The following AHI1 variants were observed in gnomAD, a reference collection of about 807,000 sequenced individuals.
The protein encoded by AHI1 is Abelson helper integration site 1.
In AHI1, 123 loss-of-function variants were observed where a neutral mutation model predicts 149.3. The observed-to-expected ratio is 0.82, with a 90% CI of 0.71 to 0.96. The LOEUF is 0.96. AHI1 is among the 40% of genes least tolerant of loss of function. AHI1 has a pLI of 0.00. For missense variants in AHI1, 1,439 were observed against 1,422.7 expected (o/e 1.01, Z -0.18); for synonymous variants, 475 against 459.8 (o/e 1.03, Z -0.42).
intron 4 of AHI1, among the ~76,000 whole-genome samples, chr6:135,490,988 T>C (rs1214753748): frequency 6.6e-6 from 1 of 152,208 alleles, no homozygotes; most frequent in Admixed American, 6.5e-5. Context: ...TTTGCTAAGT[T>C]AACTTTTTAT....
chr6:135,327,455 T>G (rs987728001), intron 24 of AHI1, among the ~76,000 whole-genome samples: 1 of 152,232 alleles, frequency 6.6e-6, no homozygotes. Flanking sequence ...AATACCATTG[T>G]TGACATTCAA....
intron 26 of AHI1, among the ~76,000 whole-genome samples, chr6:135,303,696 GT>G (rs1016390373): frequency 1.3e-5 from 2 of 152,112 alleles, no homozygotes; most frequent in African/African-American, 2.4e-5. Context: ...TTATACTAGT[GT>G]TTTTCAAACT....
chr6:135,490,431 A>G (rs912649388), intron 5 of AHI1, 192 bp downstream of exon 5: 63 of 696,264 alleles, frequency 9.0e-5, no homozygotes, highest in Non-Finnish European at 1.4e-4. Context: ...ACAGCACTCA[A>G]GAATGAAGTC....
intron 23 of AHI1, among the ~76,000 whole-genome samples, chr6:135,369,390 C>T (rs1448859452): frequency 2.0e-5 from 3 of 152,172 alleles, no homozygotes; most frequent in South Asian, 2.1e-4. Context: ...CTGCTCTGTC[C>T]GTCCAAGTGG....
intron 23 of AHI1, among the ~76,000 whole-genome samples, chr6:135,384,330 GACAA>G (rs1777272408): frequency 6.6e-6 from 1 of 152,156 alleles, no homozygotes; most frequent in African/African-American, 2.4e-5. Context: ...TGCACTGTAA[GACAA>G]ACAAATTTTG....
At chr6:135,309,415 G>A (rs1433626927) in intron 26 of AHI1, among the ~76,000 whole-genome samples, 1 of 151,546 alleles carries the variant, frequency 6.6e-6, no homozygotes, top group Non-Finnish European at 1.5e-5. Flanking sequence ...AAACAAATTA[G>A]GGGAAAGAAA....
chr6:135,332,701 C>A (rs756529961), intron 24 of AHI1, among the ~76,000 whole-genome samples: 1 of 152,244 alleles, frequency 6.6e-6, no homozygotes, highest in Non-Finnish European at 1.5e-5. Flanking sequence ...GAAGCTCCCT[C>A]TGTTTTAATC....
intron 26 of AHI1, chr6:135,302,199 T>C (rs1248640684): frequency 4.1e-6 from 4 of 985,282 alleles, no homozygotes; most frequent in Non-Finnish European, 4.8e-6. Context: ...TCTTTGCCCA[T>C]GGCAAGACCA....
At position 135,435,645 on chromosome 6, in the gene AHI1, A is replaced by C. The variant is rs143818965; in HGVS notation, c.2037-2389T>G. ...TGTTAGGCCATGCTAAGGAACTGGA[A>C]AATTTTTCAATGGGCAATGGGTAAA... On this transcript the variant is annotated intron_variant, in intron 15 of 28. Transcript: ENST00000265602. Among the ~76,000 whole-genome samples the C allele has an allele frequency of 2.6e-5, 4 of 152,350 alleles. No homozygotes were observed. The East Asian group carries it at 7.7e-4, about 29-fold the overall frequency.
chr6:135,420,353 C>T (rs918864490), intron 20 of AHI1, among the ~76,000 whole-genome samples: 6 of 152,100 alleles, frequency 3.9e-5, no homozygotes, highest in South Asian at 2.1e-4. Context: ...AATACTAAGA[C>T]GTGAAAGTCA....
intron 22 of AHI1, among the ~76,000 whole-genome samples, chr6:135,403,504 G>C (rs1228947748): frequency 6.6e-6 from 1 of 152,116 alleles, no homozygotes; most frequent in Non-Finnish European, 1.5e-5. Flanking sequence ...TTCCAGATTA[G>C]TAGAGGCTGT....
At chr6:135,450,136 A>T (rs1787876976) in intron 11 of AHI1, among the ~76,000 whole-genome samples, 1 of 152,234 alleles carries the variant, frequency 6.6e-6, no homozygotes, top group South Asian at 2.1e-4. Flanking sequence ...ACTGATATTA[A>T]GGAGGTAGGT....
At chr6:135,293,406 G>GAAAAAAAAAAAAAAAA (rs71547029) in intron 27 of AHI1, among the ~76,000 whole-genome samples, 2,152 of 63,276 alleles carry the variant, frequency 0.034, 2 homozygotes, top group Middle Eastern at 0.066. Flanking sequence ...AAAAAAAAAA[G>GAAAAAAAAAAAAAAAA]AAAAAAAAAA....
Position 135,290,434 on chromosome 6 carries a change from T to C in AHI1, c.3577A>G (p.Thr1193Ala). The change falls in exon 28 of 29, where the codon ACT (threonine) becomes GCT (alanine). Residue 1193 changes from threonine to alanine, a missense_variant. Transcript: ENST00000265602. ...GGTTTTCCCCTTACCTCTATTAGAG[T>C]GACTTTTCTGCCTGCTTGCTTGTTC... is the stretch of plus-strand genomic sequence containing the variant. ...RKNKQAGRKV[T>A]LIE 6.3e-7 allele frequency: 1 copy of C among 1,582,582 alleles called. No individual in the cohort carries two copies. Among genetic ancestry groups the C allele is most frequent in the South Asian group, 1.1e-5 (1 of 90,474 alleles).
chr6:135,321,954 A>G (rs974051125), intron 25 of AHI1, among the ~76,000 whole-genome samples: 2 of 152,098 alleles, frequency 1.3e-5, no homozygotes, highest in Non-Finnish European at 2.9e-5. Context: ...GGTGCCCACC[A>G]CCACGCCTGG....
intron 23 of AHI1, among the ~76,000 whole-genome samples, chr6:135,366,181 T>G (rs1032657546): frequency 2.0e-5 from 3 of 152,180 alleles, no homozygotes; most frequent in African/African-American, 7.2e-5. Context: ...TGGATTTGGT[T>G]AGCTAGTATT....
intron 25 of AHI1, among the ~76,000 whole-genome samples, chr6:135,322,913 G>T (rs1345621097): frequency 6.6e-6 from 1 of 152,208 alleles, no homozygotes; most frequent in Non-Finnish European, 1.5e-5. Flanking sequence ...AAAGCTGGTA[G>T]CTAGAGGGGC....
In AHI1 at chr6:135,394,815, CG is replaced by C; in HGVS notation, c.3069del (p.Ala1024LeufsTer18). The C allele has an allele frequency of 6.2e-7, 1 of 1,609,160 alleles. No individual in the cohort carries two copies. Among genetic ancestry groups the C allele is most frequent in the Non-Finnish European group, 8.5e-7 (1 of 1,177,404 alleles). On this transcript the variant is annotated frameshift_variant, in exon 23 of 29. Coordinates refer to ENST00000265602, the MANE Select transcript of AHI1 (RefSeq NM_001134831.2). LOFTEE classifies it high-confidence loss of function. ...QSKLKQSNML[T>X]AQEILHQFGF... The stretch of plus-strand genomic sequence containing the variant: ...CCAAACTGATGTAGAATCTCTTGAG[CG>C]GTCAGCATGTTTGACTGCTTTAACT...
At position 135,315,536 on chromosome 6, in the gene AHI1, G is replaced by A. The variant is rs143348697; in HGVS notation, c.3426+2983C>T. 8.5e-5 allele frequency among the ~76,000 whole-genome samples: 13 copies of A among 152,194 alleles called. No homozygotes were observed. The East Asian group carries it at 2.5e-3, about 29-fold the overall frequency. On this transcript the variant is annotated intron_variant, in intron 26 of 28. Coordinates refer to ENST00000265602, the MANE Select transcript of AHI1 (RefSeq NM_001134831.2). ...TCTATCAAGTCTCTCAACCTCTTGT[G>A]TTCCTTTCACATTCACAACTCCAAT...
Sources: gnomAD v4.1 joint callset for allele counts (sites outside exome capture counted in the v4.1 genomes callset) on GRCh38, gnomAD v4.1.1 for gene constraint, MANE v1.5 for transcripts, NCBI Gene and HGNC (gene_info 2026-07-23, HGNC 2026-07-21) for gene names.